Variants in ERC1 observed in about 807,000 individuals in gnomAD.
The protein encoded by ERC1 is ELKS/RAB6-interacting/CAST family member 1, also known as RAB6 interacting protein 2.
Under a neutral mutation model 132.0 loss-of-function variants are expected in ERC1, and 56 were observed. The ratio of observed to expected loss-of-function variants is 0.42; its 90% CI spans 0.34 to 0.53. The LOEUF is 0.53. Ranked by LOEUF, ERC1 falls within the 20% of genes least tolerant of loss-of-function variation. ERC1 has a pLI of 0.03. For synonymous variants in ERC1, 478 were observed against 476.1 expected (o/e 1.00, Z -0.05); for missense variants, 1,202 against 1,349.9 (o/e 0.89, Z 1.72).
rs2075791471 is a variant in ERC1 at position 1,241,559 on chromosome 12, A to G, written c.2487+4655A>G. Among the ~76,000 whole-genome samples the G allele has an allele frequency of 3.3e-5, 5 of 152,162 alleles. No individual in the cohort carries two copies. In the South Asian group the frequency reaches 1.0e-3, roughly 32 times the overall value. ...ATATCCATTTGCAACAGAGTCAAGC[A>G]TACTAGTTTCTTTTAGTTCTTTAGC... is the stretch of plus-strand genomic sequence containing the variant. On this transcript the variant is annotated intron_variant, in intron 13 of 18. Coordinates refer to ENST00000360905, the MANE Select transcript of ERC1 (RefSeq NM_178040.4).
chr12:1,217,346 C>T (rs574716233), intron 12 of ERC1, among the ~76,000 whole-genome samples: 16 of 152,260 alleles, frequency 1.1e-4, no homozygotes, highest in Middle Eastern at 3.4e-3. Flanking sequence ...ACTGTACCAG[C>T]AGTACTAGAT....
chr12:1,284,094 C>G (rs1158109167), intron 14 of ERC1, among the ~76,000 whole-genome samples: 1 of 152,150 alleles, frequency 6.6e-6, no homozygotes, highest in Admixed American at 6.6e-5. Flanking sequence ...AACCACCATT[C>G]TGTTCACTAT....
chr12:1,398,951 TTTTTTTTTTGTTG>T lies in ERC1; in HGVS notation c.2926-9197_2926-9185del, dbSNP rs1396016327. On this transcript the variant is annotated intron_variant, in intron 16 of 18. Transcript: ENST00000360905. The stretch of plus-strand genomic sequence containing the variant: ...CCTACTTTTTTTTTTTTTTTTTTTT[TTTTTTTTTTGTTG>T]AAACAAGGTCTCACTCTGTCAACCA... Among the ~76,000 whole-genome samples, 111 of 102,286 alleles carry T rather than the reference TTTTTTTTTTGTTG, an allele frequency of 1.1e-3. 1 individual carries two copies. Among genetic ancestry groups the T allele is most frequent in the African/African-American group, 5.6e-3 (106 of 18,950 alleles). The allele number at this position is 102,286 out of a possible 152,430, so 67.1% of individuals were successfully genotyped here.
intron 15 of ERC1, among the ~76,000 whole-genome samples, chr12:1,346,391 G>A (rs2084454288): frequency 6.6e-6 from 1 of 152,002 alleles, no homozygotes; most frequent in Non-Finnish European, 1.5e-5. Flanking sequence ...TCCACATTTG[G>A]GGATATTACT....
chr12:1,195,881 C>G lies in ERC1; in HGVS notation c.2351+5829C>G, dbSNP rs1307703756. On this transcript the variant is annotated intron_variant, in intron 12 of 18. Transcript: ENST00000360905. ...TAATTATGTACTTATTTCCGCCCCC[C>G]CCCCCCTTTTTTTGTAATGGAAGCA... is the stretch of plus-strand genomic sequence containing the variant. 5.6e-5 allele frequency among the ~76,000 whole-genome samples: 8 copies of G among 143,170 alleles called. No individual in the cohort carries two copies. The Admixed American group carries it at 5.6e-4, about 10-fold the overall frequency. 93.9% of individuals were successfully genotyped at this position (143,170 alleles called of 152,430 possible).
intron 15 of ERC1, among the ~76,000 whole-genome samples, chr12:1,293,409 T>C (rs1387210240): frequency 5.6e-5 from 7 of 124,406 alleles, no homozygotes; most frequent in African/African-American, 8.8e-5. Context: ...GCTGAGATCG[T>C]GCCACTGCAC....
intron 7 of ERC1, among the ~76,000 whole-genome samples, chr12:1,123,483 G>A (rs1319616093): frequency 6.6e-6 from 1 of 151,884 alleles, no homozygotes; most frequent in African/African-American, 2.4e-5. Flanking sequence ...GAGTTAAACA[G>A]ACAAAAAGTA....
intron 15 of ERC1, among the ~76,000 whole-genome samples, chr12:1,345,108 C>A: frequency 6.6e-6 from 1 of 151,792 alleles, no homozygotes; most frequent in Non-Finnish European, 1.5e-5. Context: ...TAACATATAA[C>A]ATGCCATTTT....
Position 1,164,869 on chromosome 12 carries a change from T to C in ERC1, c.1738-15671T>C, listed in dbSNP as rs564570269. On this transcript the variant is annotated intron_variant, in intron 8 of 18. Transcript: ENST00000360905. ...TGGCAATAAAATTCTTACTCCCTTT[T>C]CTGTTGTCTTATGATATTGCAGCCT... 2.6e-5 allele frequency among the ~76,000 whole-genome samples: 4 copies of C among 152,330 alleles called. No individual in the cohort carries two copies. In the South Asian group the frequency reaches 8.3e-4, roughly 32 times the overall value.
chr12:1,101,692 G>A (rs1944677761), intron 3 of ERC1, among the ~76,000 whole-genome samples: 1 of 152,184 alleles, frequency 6.6e-6, no homozygotes, highest in Non-Finnish European at 1.5e-5. Context: ...CACATGCTAA[G>A]GAATTCAGAT....
At position 1,495,409 on chromosome 12, in the gene ERC1, G is replaced by A. The variant is rs2094349361; in HGVS notation, c.*5179G>A. 4.4e-6 allele frequency: 1 copy of A among 228,288 alleles called. No homozygotes were observed. The highest frequency in any genetic ancestry group is 8.7e-6 in the Non-Finnish European group (1 of 115,076). 14.1% of individuals were successfully genotyped at this position (228,288 alleles called of 1,614,324 possible). ...AGAGAAGCCACTGTCAGGAAAGGAA[G>A]TGAACCCTACTGAAGCCAGAGAATT... On this transcript the variant is annotated 3_prime_UTR_variant, in exon 19 of 19. Transcript: ENST00000360905.
intron 14 of ERC1, among the ~76,000 whole-genome samples, chr12:1,274,885 T>C (rs949880809): frequency 6.6e-6 from 1 of 152,330 alleles, no homozygotes; most frequent in African/African-American, 2.4e-5. Flanking sequence ...GGTAGTTTAC[T>C]TCAGCAGGAA....
In ERC1 at chr12:1,289,934, C is replaced by G; in HGVS notation, c.2702C>G (p.Ser901Cys). 1.9e-6 allele frequency: 3 copies of G among 1,614,056 alleles called. No individual in the cohort carries two copies. The highest frequency in any genetic ancestry group is 2.5e-6 in the Non-Finnish European group (3 of 1,179,918). ...MKAKLSSTQQSLAEKETHLTN... is the reference protein window; with the variant it reads ...MKAKLSSTQQCLAEKETHLTN... The stretch of plus-strand genomic sequence containing the variant: ...GCAAAGCTGTCCTCCACCCAGCAGT[C>G]TCTGGCAGAAAAGGAAACTCACTTG... The change falls in exon 15 of 19, where the codon TCT (serine) becomes TGT (cysteine). Residue 901 changes from serine (S) to cysteine (C), a missense_variant. By Grantham distance (112) the Ser-to-Cys change is moderately radical. Coordinates refer to ENST00000360905, the MANE Select transcript of ERC1 (RefSeq NM_178040.4).
rs947245642 is a variant in ERC1 at position 1,038,071 on chromosome 12, A to G, written c.669+9499A>G. 3.3e-5 allele frequency among the ~76,000 whole-genome samples: 5 copies of G among 152,126 alleles called. No homozygotes were observed. The South Asian group carries it at 1.0e-3, about 32-fold the overall frequency. On this transcript the variant is annotated intron_variant, in intron 2 of 18. Transcript: ENST00000360905. ...AAAAAAAAAAAAGAAAAAGAAAAAAACTATTTCCATTTGATGAAAGAACAG... is the reference window on the plus strand; with the variant it reads ...AAAAAAAAAAAAGAAAAAGAAAAAAGCTATTTCCATTTGATGAAAGAACAG...
At chr12:1,180,729 C>G in intron 9 of ERC1, 52 bp downstream of exon 9, 1 of 1,605,288 alleles carries the variant, frequency 6.2e-7, no homozygotes, top group Non-Finnish European at 8.5e-7. Flanking sequence ...TCTCATTAAT[C>G]TAAGACTGGA....
chr12:1,288,123 A>C (rs371984819), intron 14 of ERC1, among the ~76,000 whole-genome samples: 57 of 152,362 alleles, frequency 3.7e-4, no homozygotes, highest in African/African-American at 1.3e-3. Flanking sequence ...TTATGTTATA[A>C]AAACATAGCT....
chr12:1,242,146 A>G (rs2154306849), intron 13 of ERC1, among the ~76,000 whole-genome samples: 1 of 151,820 alleles, frequency 6.6e-6, no homozygotes, highest in South Asian at 2.1e-4. Context: ...GCCTTTTTGC[A>G]TTTCTTTTGC....
intron 9 of ERC1, among the ~76,000 whole-genome samples, chr12:1,181,538 C>T (rs547620236): frequency 1.3e-5 from 2 of 152,090 alleles, no homozygotes; most frequent in Admixed American, 6.5e-5. Flanking sequence ...ATGACTCACA[C>T]CTGTAGTCTT....
intron 16 of ERC1, among the ~76,000 whole-genome samples, chr12:1,382,400 G>T (rs1264522169): frequency 6.6e-6 from 1 of 152,250 alleles, no homozygotes; most frequent in African/African-American, 2.4e-5. Context: ...GACCATGTCA[G>T]ATGCGAGCCC....
Sources: gnomAD v4.1 joint callset for allele counts (sites outside exome capture counted in the v4.1 genomes callset) on GRCh38, gnomAD v4.1.1 for gene constraint, MANE v1.5 for transcripts, NCBI Gene and HGNC (gene_info 2026-07-23, HGNC 2026-07-21) for gene names.